SMARCC1: variants seen among roughly 807,000 people sequenced by gnomAD.
SMARCC1 encodes the protein SWI/SNF related BAF chromatin remodeling complex subunit C1, also known as SWI/SNF complex subunit SMARCC1.
In SMARCC1, 43 loss-of-function variants were observed where a neutral mutation model predicts 147.4. That is an observed-to-expected ratio of 0.29 (90% CI 0.23 to 0.38). The LOEUF (loss-of-function observed/expected upper bound fraction) is 0.38, where lower values mean the gene tolerates loss of function less well. SMARCC1 is among the 10% of genes least tolerant of loss of function. The probability of loss-of-function intolerance (pLI) is 1.00; values close to 1 mark genes in which losing one functional copy is unlikely to be tolerated. For missense variants in SMARCC1, 1,119 were observed against 1,381.1 expected (o/e 0.81, Z 3.01); for synonymous variants, 495 against 484.4 (o/e 1.02, Z -0.29).
chr3:47,595,162 G>A (rs2032251701), intron 26 of SMARCC1, among the ~76,000 whole-genome samples: 4 of 152,128 alleles, frequency 2.6e-5, no homozygotes, highest in Admixed American at 2.0e-4. Context: ...GACATCTGGC[G>A]GTTCTCACTT....
Position 47,671,196 on chromosome 3 carries a change from A to AAAAAAAAAAAAAAAAAAAAAAAAAAC in SMARCC1, c.1840-480_1840-479insGTTTTTTTTTTTTTTTTTTTTTTTTT, listed in dbSNP as rs753672169. Among the ~76,000 whole-genome samples the AAAAAAAAAAAAAAAAAAAAAAAAAAC allele has an allele frequency of 5.7e-4, 46 of 81,192 alleles. 6 individuals are homozygous for AAAAAAAAAAAAAAAAAAAAAAAAAAC. Among genetic ancestry groups the AAAAAAAAAAAAAAAAAAAAAAAAAAC allele is most frequent in the Non-Finnish European group, 9.7e-4 (40 of 41,282 alleles). The allele number at this position is 81,192 out of a possible 152,430, so 53.3% of individuals were successfully genotyped here. ...CTCAAAAAAAAAAAAAAAAAAAAAAAAACACACACAAAAACCAAAACCAAA... is the reference window on the plus strand; with the variant it reads ...CTCAAAAAAAAAAAAAAAAAAAAAAAAAAAAAAAAAAAAAAAAAAAAAAAACAACACACACAAAAACCAAAACCAAA... On this transcript the variant is annotated intron_variant, in intron 18 of 27. Transcript: ENST00000254480.
chr3:47,751,567 T>G (rs2034630145), intron 2 of SMARCC1, among the ~76,000 whole-genome samples: 1 of 150,786 alleles, frequency 6.6e-6, no homozygotes, highest in Non-Finnish European at 1.5e-5. Flanking sequence ...AAAACAAAAC[T>G]GACATTCAAT....
At chr3:47,669,243 ACAGTAGCT>A (rs989079368) in intron 19 of SMARCC1, among the ~76,000 whole-genome samples, 5 of 152,206 alleles carry the variant, frequency 3.3e-5, no homozygotes, top group African/African-American at 9.6e-5. Context: ...TTTAGTGTCA[ACAGTAGCT>A]CAGTCATTCT....
At chr3:47,730,049 C>G (rs1387858140) in intron 5 of SMARCC1, among the ~76,000 whole-genome samples, 3 of 152,022 alleles carry the variant, frequency 2.0e-5, no homozygotes, top group Admixed American at 2.0e-4. Context: ...CGTGGTGGCA[C>G]ACGTCTGTAA....
intron 10 of SMARCC1, among the ~76,000 whole-genome samples, chr3:47,703,122 C>G (rs2033946490): frequency 6.6e-6 from 1 of 151,904 alleles, no homozygotes; most frequent in Admixed American, 6.6e-5. Context: ...TTAGTAGAGA[C>G]GGGGTTTCAC....
At chr3:47,704,255 C>T (rs145168979) in intron 10 of SMARCC1, among the ~76,000 whole-genome samples, 1 of 152,168 alleles carries the variant, frequency 6.6e-6, no homozygotes, top group Admixed American at 6.5e-5. Flanking sequence ...AGAAAACATA[C>T]AGTGCAGATG....
At chr3:47,707,912 T>G (rs2034028224) in intron 9 of SMARCC1, among the ~76,000 whole-genome samples, 1 of 152,016 alleles carries the variant, frequency 6.6e-6, no homozygotes, top group Admixed American at 6.6e-5. Context: ...AATTAAACAT[T>G]AATTTTCTCT....
chr3:47,764,345 C>T (rs921262334), intron 2 of SMARCC1, among the ~76,000 whole-genome samples: 2 of 152,142 alleles, frequency 1.3e-5, no homozygotes, highest in Admixed American at 6.6e-5. Flanking sequence ...TAAATATGTA[C>T]TGTTCACTGT....
chr3:47,655,017 T>C (rs1341025206), intron 21 of SMARCC1, among the ~76,000 whole-genome samples: 2 of 152,180 alleles, frequency 1.3e-5, no homozygotes, highest in African/African-American at 2.4e-5. Context: ...CAAAATGAGA[T>C]GGCTAGACTG....
rs1301464516 is a variant in SMARCC1, at chr3:47,587,369, C to G, written c.*840G>C. On this transcript the variant is annotated 3_prime_UTR_variant, in exon 28 of 28. Transcript: ENST00000254480. ...GGCTAGTTGAGGAAACTAAGGAATG[C>G]CTCCCAATATTCCAACCCTCAAAGC... 6.6e-6 allele frequency: 1 copy of G among 152,062 alleles called. No individual in the cohort carries two copies. The highest frequency in any genetic ancestry group is 2.4e-5 in the African/African-American group (1 of 41,366). 9.4% of individuals were successfully genotyped at this position (152,062 alleles called of 1,614,324 possible). A position where few individuals can be genotyped will look rare whatever the true frequency, so the allele number is the denominator to read the frequency against.
intron 3 of SMARCC1, among the ~76,000 whole-genome samples, chr3:47,745,130 T>C (rs1464708802): frequency 6.6e-6 from 1 of 151,930 alleles, no homozygotes; most frequent in Non-Finnish European, 1.5e-5. Context: ...TAGCTGGGCA[T>C]GTGGTGGCAG....
At chr3:47,780,883 C>T (rs534050033) in intron 1 of SMARCC1, among the ~76,000 whole-genome samples, 36 of 150,708 alleles carry the variant, frequency 2.4e-4, no homozygotes, top group African/African-American at 8.5e-4. Context: ...ACTTTGAAAA[C>T]TACTGACTCG....
intron 18 of SMARCC1, 95 bp from the exon 19 acceptor site, chr3:47,670,812 G>T: frequency 2.5e-6 from 2 of 787,376 alleles, no homozygotes; most frequent in Non-Finnish European, 4.6e-6. Context: ...ACTGTGTTAC[G>T]CAAACTATCA....
At chr3:47,655,838 A>G (rs1049138571) in intron 21 of SMARCC1, among the ~76,000 whole-genome samples, 1 of 152,254 alleles carries the variant, frequency 6.6e-6, no homozygotes, top group African/African-American at 2.4e-5. Flanking sequence ...TAATCACCAG[A>G]CATACATAGT....
chr3:47,692,607 G>C (rs982878262), intron 12 of SMARCC1, among the ~76,000 whole-genome samples: 3 of 152,184 alleles, frequency 2.0e-5, no homozygotes, highest in African/African-American at 7.2e-5. Flanking sequence ...AGATCACTAA[G>C]AATGGCAACA....
intron 22 of SMARCC1, among the ~76,000 whole-genome samples, chr3:47,638,147 G>GTGGCGCGATCTCGGCTCAC (rs2032996260): frequency 6.6e-6 from 1 of 152,176 alleles, no homozygotes. Flanking sequence ...ATGGAGTGCA[G>GTGGCGCGATCTCGGCTCAC]TGGCGCGATC....
intron 2 of SMARCC1, among the ~76,000 whole-genome samples, chr3:47,748,708 C>A (rs1264905166): frequency 1.3e-5 from 2 of 152,054 alleles, no homozygotes; most frequent in Admixed American, 6.6e-5. Context: ...ATCGAATAGG[C>A]TAAATAAGAT....
chr3:47,739,294 T>C (rs1035013661), intron 3 of SMARCC1, among the ~76,000 whole-genome samples: 2 of 152,192 alleles, frequency 1.3e-5, no homozygotes, highest in African/African-American at 4.8e-5. Context: ...TAATATAAAG[T>C]AACTGATCAA....
Position 47,586,854 on chromosome 3 carries a change from G to A in SMARCC1, c.*1355C>T, listed in dbSNP as rs1381301570. On this transcript the variant is annotated 3_prime_UTR_variant, in exon 28 of 28. Transcript: ENST00000254480. ...AGAGGAAAAAACCGGGAACTCTCAA[G>A]TCACTTATCAGCAGGGGTAAATACG... 1.3e-5 allele frequency: 2 copies of A among 152,598 alleles called. No individual in the cohort carries two copies. Among genetic ancestry groups the A allele is most frequent in the Admixed American group, 6.6e-5 (1 of 15,264 alleles). The allele number at this position is 152,598 out of a possible 1,614,324, so 9.5% of individuals were successfully genotyped here.
Sources: allele counts gnomAD v4.1 joint callset (sites outside exome capture counted in the v4.1 genomes callset), GRCh38; gene constraint gnomAD v4.1.1; transcripts MANE v1.5; gene names NCBI Gene and HGNC (gene_info 2026-07-23, HGNC 2026-07-21).